The following METTL22 variants were observed in gnomAD, a reference collection of about 807,000 sequenced individuals.
METTL22 encodes the protein methyltransferase-like protein 22.
A neutral mutation model predicts 48.4 loss-of-function variants in METTL22; 51 were observed. That is an observed-to-expected ratio of 1.05 (90% CI 0.84 to 1.33). The LOEUF (loss-of-function observed/expected upper bound fraction) is 1.33. Among genes scored for constraint, METTL22 ranks in the 40% most tolerant of loss-of-function variants. The pLI, the probability that METTL22 is intolerant of heterozygous loss-of-function variation, is 0.00. For missense variants in METTL22, 678 were observed against 526.9 expected (o/e 1.29, Z -2.81); for synonymous variants, 255 against 214.1 (o/e 1.19, Z -1.67).
At chr16:8,639,691 G>A (rs567714857) in intron 6 of METTL22, 15 of 168,560 alleles carry the variant, frequency 8.9e-5, no homozygotes, top group Admixed American at 7.3e-4. Flanking sequence ...GTCCCCCTGC[G>A]CAGATGGGCC....
At chr16:8,641,270 G>A (rs1433618119) in intron 7 of METTL22, 86 bp downstream of exon 7, 7 of 1,327,890 alleles carry the variant, frequency 5.3e-6, no homozygotes, top group Non-Finnish European at 7.6e-6. Context: ...GGTTTTGACA[G>A]AGCTGTAGTC....
intron 6 of METTL22, 74 bp from the exon 7 acceptor site, chr16:8,641,057 T>G: frequency 7.2e-7 from 1 of 1,381,602 alleles, no homozygotes; most frequent in African/African-American, 1.4e-5. Flanking sequence ...TCTTCATATA[T>G]AGTGTAAAAG....
At chr16:8,645,740 C>T (rs1339763040) in intron 10 of METTL22, among the ~76,000 whole-genome samples, 1 of 152,206 alleles carries the variant, frequency 6.6e-6, no homozygotes, top group Non-Finnish European at 1.5e-5. Context: ...GGTGCCACTG[C>T]ACTCCAGACT....
chr16:8,635,989 G>A (rs1178930228), intron 5 of METTL22, among the ~76,000 whole-genome samples: 1 of 152,122 alleles, frequency 6.6e-6, no homozygotes, highest in Non-Finnish European at 1.5e-5. Context: ...ATATTTAGGG[G>A]GTACAAGTGC....
the METTL22 span, among the ~76,000 whole-genome samples, chr16:8,662,365 A>G: frequency 6.9e-6 from 1 of 145,490 alleles, no homozygotes; most frequent in South Asian, 2.2e-4. Flanking sequence ...GTCTGAAGGA[A>G]TCCAGGAGCC....
At chr16:8,655,930 GT>G in the METTL22 span, among the ~76,000 whole-genome samples, 1 of 152,226 alleles carries the variant, frequency 6.6e-6, no homozygotes, top group African/African-American at 2.4e-5. Flanking sequence ...TTGGAGGACT[GT>G]GTCTTCTGAC....
chr16:8,636,536 AAAAC>A (rs796346108), intron 5 of METTL22, among the ~76,000 whole-genome samples: 11,672 of 125,972 alleles, frequency 0.093, 597 homozygotes, highest in Middle Eastern at 0.12. Context: ...AAAAAAAAAA[AAAAC>A]AAACTTTATA....
chr16:8,651,386 C>A (rs867492938), downstream of METTL22, among the ~76,000 whole-genome samples: 22 of 49,070 alleles, frequency 4.5e-4, no homozygotes, highest in South Asian at 1.4e-3. Flanking sequence ...GACTCTGTCT[C>A]AAAAAAAAAA....
intron 10 of METTL22, chr16:8,645,775 C>T: frequency 2.6e-6 from 1 of 379,806 alleles, no homozygotes; most frequent in Non-Finnish European, 3.9e-6. Context: ...GATCCTGTCT[C>T]TAAAATAAAA....
chr16:8,657,729 A>T, the METTL22 span, among the ~76,000 whole-genome samples: 1 of 152,044 alleles, frequency 6.6e-6, no homozygotes, highest in Non-Finnish European at 1.5e-5. Context: ...GTCTTTGCAG[A>T]TCTAATTAAG....
At chr16:8,664,014 T>A in the METTL22 span, among the ~76,000 whole-genome samples, 8 of 152,124 alleles carry the variant, frequency 5.3e-5, no homozygotes, top group African/African-American at 1.9e-4. Flanking sequence ...TGTGGCTAGA[T>A]GGCCCCAGTT....
chr16:8,659,844 C>G, the METTL22 span, among the ~76,000 whole-genome samples: 3 of 151,942 alleles, frequency 2.0e-5, no homozygotes, highest in African/African-American at 7.3e-5. Flanking sequence ...CCACCTCAGC[C>G]CCACCAAGTA....
At chr16:8,660,435 T>A in the METTL22 span, among the ~76,000 whole-genome samples, 1 of 152,056 alleles carries the variant, frequency 6.6e-6, no homozygotes, top group African/African-American at 2.4e-5. Flanking sequence ...TGCTTCGGCC[T>A]CCCAAAGTGC....
intron 6 of METTL22, among the ~76,000 whole-genome samples, chr16:8,640,848 G>GGATGGATA (rs2056580805): frequency 7.7e-6 from 1 of 129,446 alleles, no homozygotes; most frequent in Non-Finnish European, 1.7e-5. Context: ...ATGGATGGAT[G>GGATGGATA]GATAGAAGGA....
chr16:8,622,067 G>A (rs2055870414), intron 1 of METTL22, among the ~76,000 whole-genome samples: 1 of 152,218 alleles, frequency 6.6e-6, no homozygotes, highest in African/African-American at 2.4e-5. Flanking sequence ...TAACCCACAA[G>A]GGTGGCGTCA....
chr16:8,658,710 GA>G, the METTL22 span, among the ~76,000 whole-genome samples: 3 of 152,158 alleles, frequency 2.0e-5, no homozygotes, highest in Non-Finnish European at 2.9e-5. Context: ...CCGTCTTTGG[GA>G]GGGCGGGGAC....
Position 8,628,822 on chromosome 16 carries a change from G to T in METTL22, c.226G>T (p.Glu76Ter), listed in dbSNP as rs1402478064. Residue 76 changes from glutamate (E) to a stop codon, truncating the protein, a stop_gained, in exon 3 of 11, where the codon GAG (glutamate) becomes TAG (stop). Transcript: ENST00000381920. LOFTEE classifies it high-confidence loss of function. ...CAGTCACAGAGATGTTCACACAAAGGAGCCTCCTTCTGCTGAGACAGGCAG... is the reference window on the plus strand; with the variant it reads ...CAGTCACAGAGATGTTCACACAAAGTAGCCTCCTTCTGCTGAGACAGGCAG... ...GGSHRDVHTK[E>*]PPSAETGSTG... 4 of 1,614,176 alleles carry T rather than the reference G, an allele frequency of 2.5e-6. No individual in the cohort carries two copies. The Admixed American group carries it at 5.0e-5, about 20-fold the overall frequency.
At chr16:8,644,506 A>C in intron 9 of METTL22, 51 bp from the exon 10 acceptor site, 1 of 1,500,556 alleles carries the variant, frequency 6.7e-7, no homozygotes, top group East Asian at 2.5e-5. Flanking sequence ...AAACAGCAAA[A>C]CCCTTCCCAT....
chr16:8,639,318 T>C (rs1192852233), intron 6 of METTL22, 156 bp downstream of exon 6: 1 of 688,780 alleles, frequency 1.5e-6, no homozygotes, highest in Admixed American at 2.2e-5. Flanking sequence ...ATCACAGAGC[T>C]TCAGAGCATT....
Sources: gnomAD v4.1 joint callset for allele counts (sites outside exome capture counted in the v4.1 genomes callset) on GRCh38, gnomAD v4.1.1 for gene constraint, MANE v1.5 for transcripts, NCBI Gene and HGNC (gene_info 2026-07-23, HGNC 2026-07-21) for gene names.